Variants in NFATC3 observed in about 807,000 individuals in gnomAD.
NFATC3 encodes the protein nuclear factor of activated T cells 3.
A neutral mutation model predicts 98.6 loss-of-function variants in NFATC3; 46 were observed. The observed-to-expected ratio is 0.47, with a 90% CI of 0.37 to 0.60. NFATC3 has a LOEUF of 0.60. Ranked by LOEUF, NFATC3 falls within the 20% of genes least tolerant of loss-of-function variation. The pLI is 0.00. For missense variants in NFATC3, 1,256 were observed against 1,295.5 expected (o/e 0.97, Z 0.47); for synonymous variants, 512 against 472.2 (o/e 1.08, Z -1.09).
intron 8 of NFATC3, 112 bp from the exon 9 acceptor site, chr16:68,190,656 A>G: frequency 2.8e-6 from 3 of 1,080,896 alleles, no homozygotes; most frequent in South Asian, 1.6e-5. Context: ...CTTCCTTGGC[A>G]TTTGAGTTTG....
intron 4 of NFATC3, 62 bp from the exon 5 acceptor site, chr16:68,166,781 T>C: frequency 7.7e-7 from 1 of 1,302,376 alleles, no homozygotes. Context: ...TTCTATGTAG[T>C]TGAGTTGTTT....
At chr16:68,157,736 G>C (rs1463239095) in intron 3 of NFATC3, 133 bp from the exon 4 acceptor site, 1 of 662,444 alleles carries the variant, frequency 1.5e-6, no homozygotes, top group South Asian at 3.0e-5. Context: ...GTTACTTTTG[G>C]TTGTATTTTT....
intron 3 of NFATC3, among the ~76,000 whole-genome samples, chr16:68,130,394 T>G (rs1302656522): frequency 6.6e-6 from 1 of 152,200 alleles, no homozygotes; most frequent in African/African-American, 2.4e-5. Flanking sequence ...TGCATTTCCC[T>G]GATGATTAGT....
At chr16:68,135,673 A>G (rs1420169661) in intron 3 of NFATC3, among the ~76,000 whole-genome samples, 1 of 152,132 alleles carries the variant, frequency 6.6e-6, no homozygotes, top group Non-Finnish European at 1.5e-5. Context: ...AGTTACTAGA[A>G]TTGGAAGAGA....
chr16:68,130,146 T>G, intron 3 of NFATC3, among the ~76,000 whole-genome samples: 1 of 152,232 alleles, frequency 6.6e-6, no homozygotes, highest in Non-Finnish European at 1.5e-5. Flanking sequence ...TCTACTGATT[T>G]CATTTCTTTT....
chr16:68,112,441 C>T (rs2036004936), intron 1 of NFATC3, among the ~76,000 whole-genome samples: 1 of 151,156 alleles, frequency 6.6e-6, no homozygotes, highest in Non-Finnish European at 1.5e-5. Flanking sequence ...CCACGCCTGG[C>T]TGATTTTTGT....
intron 1 of NFATC3, 30 bp downstream of exon 1, chr16:68,085,814 G>A: frequency 7.2e-7 from 1 of 1,390,468 alleles, no homozygotes; most frequent in Non-Finnish European, 9.3e-7. Context: ...GGACCGTGGA[G>A]CGACCCCGCT....
intron 2 of NFATC3, 80 bp downstream of exon 2, chr16:68,123,201 A>C: frequency 7.0e-7 from 1 of 1,419,996 alleles, no homozygotes; most frequent in East Asian, 2.3e-5. Flanking sequence ...ATCAGTATAT[A>C]ATGGTTATAT....
At chr16:68,181,647 T>G in intron 7 of NFATC3, 117 bp downstream of exon 7, 1 of 721,244 alleles carries the variant, frequency 1.4e-6, no homozygotes, top group Non-Finnish European at 2.3e-6. Context: ...AAAGTAAAAT[T>G]AGGCTGGGCA....
At chr16:68,187,213 A>G (rs1253312733) in intron 8 of NFATC3, among the ~76,000 whole-genome samples, 1 of 152,186 alleles carries the variant, frequency 6.6e-6, no homozygotes, top group Non-Finnish European at 1.5e-5. Flanking sequence ...GGCAGCTTCC[A>G]TGGCTGGCAC....
chr16:68,203,151 C>A (rs2040999407), intron 9 of NFATC3, among the ~76,000 whole-genome samples: 1 of 152,044 alleles, frequency 6.6e-6, no homozygotes, highest in Non-Finnish European at 1.5e-5. Context: ...ACACAACCAC[C>A]CTGGGACATA....
At chr16:68,135,314 C>T (rs1324693738) in intron 3 of NFATC3, among the ~76,000 whole-genome samples, 2 of 151,760 alleles carry the variant, frequency 1.3e-5, no homozygotes, top group Admixed American at 6.6e-5. Context: ...AAAAATTAGC[C>T]GAGCGTGTTG....
intron 1 of NFATC3, among the ~76,000 whole-genome samples, chr16:68,101,477 G>GGTTTTTTTTTTT: frequency 6.7e-6 from 1 of 150,308 alleles, no homozygotes; most frequent in South Asian, 2.1e-4. Context: ...TATAGTTTTA[G>GGTTTTTTTTTTT]GTTTTTTTTT....
At chr16:68,153,936 A>G (rs912318453) in intron 3 of NFATC3, among the ~76,000 whole-genome samples, 3 of 151,908 alleles carry the variant, frequency 2.0e-5, no homozygotes, top group African/African-American at 7.2e-5. Flanking sequence ...TTTTTAAGAG[A>G]CAAGGTCTCA....
chr16:68,103,165 CTTTTCTT>C (rs1466556534), intron 1 of NFATC3, among the ~76,000 whole-genome samples: 13 of 150,734 alleles, frequency 8.6e-5, no homozygotes, highest in Non-Finnish European at 1.2e-4. Flanking sequence ...TGTCTTTTCA[CTTTTCTT>C]TTTTCTTCTT....
intron 2 of NFATC3, among the ~76,000 whole-genome samples, chr16:68,125,209 G>C (rs773315251): frequency 2.3e-4 from 35 of 152,172 alleles, no homozygotes; most frequent in Non-Finnish European, 4.0e-4. Context: ...GTTGAAGTTG[G>C]ATTTTTTCAA....
At chr16:68,164,804 C>T (rs542430766) in intron 4 of NFATC3, among the ~76,000 whole-genome samples, 26 of 152,020 alleles carry the variant, frequency 1.7e-4, no homozygotes, top group Middle Eastern at 3.4e-3. Context: ...CCCTTGAACC[C>T]GGGAGGCAGA....
intron 8 of NFATC3, among the ~76,000 whole-genome samples, chr16:68,187,785 G>A (rs1759645408): frequency 6.6e-6 from 1 of 152,138 alleles, no homozygotes; most frequent in African/African-American, 2.4e-5. Flanking sequence ...TCCATGGGGG[G>A]GCCATGGGTG....
At chr16:68,205,145 AGT>A (rs1240677593) in intron 9 of NFATC3, among the ~76,000 whole-genome samples, 3 of 152,128 alleles carry the variant, frequency 2.0e-5, no homozygotes, top group Non-Finnish European at 4.4e-5. Flanking sequence ...CATCTACAAG[AGT>A]GTGGTACAGA....
Sources: gnomAD v4.1 joint callset for allele counts (sites outside exome capture counted in the v4.1 genomes callset) on GRCh38, gnomAD v4.1.1 for gene constraint, MANE v1.5 for transcripts, NCBI Gene and HGNC (gene_info 2026-07-23, HGNC 2026-07-21) for gene names.